The following DTNA variants were observed in gnomAD, a reference collection of about 807,000 sequenced individuals.
DTNA encodes dystrophin-related protein 3.
A neutral mutation model predicts 100.7 loss-of-function variants in DTNA; 43 were observed. The observed-to-expected ratio is 0.43, with a 90% CI of 0.33 to 0.55. The LOEUF (loss-of-function observed/expected upper bound fraction) is 0.55, where lower values mean the gene tolerates loss of function less well. Ranked by LOEUF, DTNA falls within the 20% of genes least tolerant of loss-of-function variation. The pLI is 0.04. For synonymous variants in DTNA, 349 were observed against 347.9 expected (o/e 1.00, Z -0.04); for missense variants, 798 against 953.9 (o/e 0.84, Z 2.15).
chr18:34,546,946 A>G (rs28497686), intron 1 of DTNA, among the ~76,000 whole-genome samples: 2,685 of 151,900 alleles, frequency 0.018, 72 homozygotes, highest in African/African-American at 0.062. Context: ...CCCAACCTCA[A>G]TCCACCCACC....
At chr18:34,709,978 TGTA>T (rs1452816405), upstream of DTNA, among the ~76,000 whole-genome samples, 9 of 152,222 alleles carry the variant, frequency 5.9e-5, no homozygotes, top group Admixed American at 5.9e-4. Context: ...AGTTGGCTGA[TGTA>T]GTAGATAATG....
At chr18:34,837,509 G>T (rs2096176167) in intron 11 of DTNA, among the ~76,000 whole-genome samples, 3 of 152,080 alleles carry the variant, frequency 2.0e-5, no homozygotes, top group Non-Finnish European at 4.4e-5. Flanking sequence ...CACTAGCTTT[G>T]TATTAATATA....
intron 1 of DTNA, among the ~76,000 whole-genome samples, chr18:34,603,917 AATT>A (rs571912479): frequency 1.2e-3 from 190 of 152,304 alleles, no homozygotes; most frequent in African/African-American, 4.2e-3. Flanking sequence ...AAAAGAAAAA[AATT>A]ATTGAGTTTC....
Position 34,858,402 on chromosome 18 carries a change from G to A in DTNA, c.1646+4G>A, listed in dbSNP as rs774690555. ...TGGCAGAACTCCGGCTCCTCAGGTA[G>A]GAGAGAGCACCCATGTCATCTCAGG... is the stretch of plus-strand genomic sequence containing the variant. On this transcript the variant is annotated splice_donor_region_variant and intron_variant, in intron 16 of 22. Transcript: ENST00000444659. 2.2e-5 allele frequency: 35 copies of A among 1,613,812 alleles called. No individual in the cohort carries two copies. Among genetic ancestry groups the A allele is most frequent in the Non-Finnish European group, 2.8e-5 (33 of 1,179,846 alleles).
chr18:34,797,161 G>C (rs1470566714), intron 4 of DTNA, among the ~76,000 whole-genome samples: 1 of 152,146 alleles, frequency 6.6e-6, no homozygotes, highest in Non-Finnish European at 1.5e-5. Flanking sequence ...ACAGTTCCTT[G>C]AGTCCAGAAG....
At chr18:34,718,907 G>C (rs550110665) in intron 1 of DTNA, among the ~76,000 whole-genome samples, 2 of 152,090 alleles carry the variant, frequency 1.3e-5, no homozygotes, top group African/African-American at 4.8e-5. Context: ...ATGAGTTCTC[G>C]GATTTAAGAA....
intron 13 of DTNA, among the ~76,000 whole-genome samples, chr18:34,840,031 C>T (rs1386185199): frequency 6.6e-6 from 1 of 152,082 alleles, no homozygotes; most frequent in East Asian, 1.9e-4. Context: ...CCTATTACTG[C>T]TTCTTAGATC....
At chr18:34,734,919 C>A (rs1300587131) in intron 1 of DTNA, among the ~76,000 whole-genome samples, 1 of 152,094 alleles carries the variant, frequency 6.6e-6, no homozygotes, top group Non-Finnish European at 1.5e-5. Context: ...TATTAAGCAG[C>A]CAACTCCAGA....
At chr18:34,556,463 T>C (rs1359318799) in intron 1 of DTNA, among the ~76,000 whole-genome samples, 3 of 151,540 alleles carry the variant, frequency 2.0e-5, no homozygotes, top group South Asian at 2.1e-4. Context: ...TTCTTCCTAG[T>C]CTCGATGGTC....
At chr18:34,857,046 C>T (rs2096561169) in intron 15 of DTNA, among the ~76,000 whole-genome samples, 1 of 152,312 alleles carries the variant, frequency 6.6e-6, no homozygotes, top group Admixed American at 6.5e-5. Flanking sequence ...CACAGCAGGG[C>T]CCAGCAACAC....
At chr18:34,675,812 T>C (rs1363669879) in intron 1 of DTNA, among the ~76,000 whole-genome samples, 1 of 152,194 alleles carries the variant, frequency 6.6e-6, no homozygotes. Flanking sequence ...GCAATAAATA[T>C]TACTGCAGGC....
intron 3 of DTNA, among the ~76,000 whole-genome samples, chr18:34,775,679 C>G (rs1328766246): frequency 6.6e-6 from 1 of 152,190 alleles, no homozygotes; most frequent in Non-Finnish European, 1.5e-5. Flanking sequence ...GAATAGGGAC[C>G]TCAGTCCTAT....
chr18:34,658,759 C>A (rs566524693), intron 1 of DTNA, among the ~76,000 whole-genome samples: 1 of 152,148 alleles, frequency 6.6e-6, no homozygotes, highest in South Asian at 2.1e-4. Flanking sequence ...TAAAACAGAA[C>A]AGAAAAGTCC....
At chr18:34,577,905 G>T (rs1332062753) in intron 1 of DTNA, among the ~76,000 whole-genome samples, 3 of 150,752 alleles carry the variant, frequency 2.0e-5, no homozygotes, top group Admixed American at 6.6e-5. Flanking sequence ...ATTGTAAATT[G>T]TGCTGCTATA....
At chr18:34,537,507 T>A (rs1424070240) in intron 1 of DTNA, among the ~76,000 whole-genome samples, 1 of 151,736 alleles carries the variant, frequency 6.6e-6, no homozygotes, top group Non-Finnish European at 1.5e-5. Context: ...ATAAATAACA[T>A]GTTTTAAAAA....
At chr18:34,691,546 G>T (rs916696354) in intron 1 of DTNA, among the ~76,000 whole-genome samples, 85 of 152,250 alleles carry the variant, frequency 5.6e-4, no homozygotes, top group African/African-American at 1.8e-3. Flanking sequence ...CATCCACTTT[G>T]GTTTCAAAGC....
intron 1 of DTNA, among the ~76,000 whole-genome samples, chr18:34,739,613 T>C (rs1245286532): frequency 2.0e-5 from 3 of 152,166 alleles, no homozygotes; most frequent in Non-Finnish European, 2.9e-5. Flanking sequence ...CACTCCATAT[T>C]CATTTCATGA....
At chr18:34,653,394 A>T (rs1018432125) in intron 1 of DTNA, among the ~76,000 whole-genome samples, 1 of 152,126 alleles carries the variant, frequency 6.6e-6, no homozygotes, top group African/African-American at 2.4e-5. Flanking sequence ...TGTGATTCAT[A>T]GTGACTACTA....
At chr18:34,865,768 C>T (rs1485075030) in intron 17 of DTNA, among the ~76,000 whole-genome samples, 1 of 152,188 alleles carries the variant, frequency 6.6e-6, no homozygotes, top group Non-Finnish European at 1.5e-5. Context: ...CTTCTGTCAC[C>T]ATTAGCTATG....
Sources: allele counts gnomAD v4.1 joint callset (sites outside exome capture counted in the v4.1 genomes callset), GRCh38; gene constraint gnomAD v4.1.1; transcripts MANE v1.5; gene names NCBI Gene and HGNC (gene_info 2026-07-23, HGNC 2026-07-21).